The following DOCK1 variants were observed in gnomAD, a reference collection of about 807,000 sequenced individuals.
The protein encoded by DOCK1 is dedicator of cytokinesis 1.
DOCK1 carries 138 observed loss-of-function variants against 262.7 expected under a neutral mutation model. The observed-to-expected ratio is 0.53, with a 90% CI of 0.46 to 0.61. DOCK1 has a LOEUF of 0.61. DOCK1 is among the 20% of genes least tolerant of loss of function. The pLI is 0.00. For missense variants in DOCK1, 1,908 were observed against 2,370.7 expected, an observed-to-expected ratio of 0.80 and a Z score of 4.05; for synonymous variants, 866 against 867.4, an observed-to-expected ratio of 1.00 and a Z score of 0.03.
chr10:127,285,503 G>T (rs947608896), intron 29 of DOCK1, among the ~76,000 whole-genome samples: 2 of 152,210 alleles, frequency 1.3e-5, no homozygotes, highest in Admixed American at 1.3e-4. Flanking sequence ...CTCTCTTCAG[G>T]CTTTGGCAGT....
chr10:127,366,250 TA>T (rs1417345147), intron 33 of DOCK1, among the ~76,000 whole-genome samples: 1 of 151,978 alleles, frequency 6.6e-6, no homozygotes, highest in East Asian at 1.9e-4. Flanking sequence ...ACCCTTGTTT[TA>T]AAAAAATCCC....
intron 1 of DOCK1, among the ~76,000 whole-genome samples, chr10:126,943,936 T>G (rs2035203914): frequency 6.6e-6 from 1 of 152,106 alleles, no homozygotes; most frequent in African/African-American, 2.4e-5. Flanking sequence ...TTGGACTTAA[T>G]GCTCAGAGCA....
chr10:127,097,277 T>G (rs2047966949), intron 23 of DOCK1, among the ~76,000 whole-genome samples: 1 of 152,086 alleles, frequency 6.6e-6, no homozygotes, highest in Non-Finnish European at 1.5e-5. Context: ...CTCCCAAGAG[T>G]TGTGATTGCT....
chr10:127,408,905 T>G, intron 40 of DOCK1, 132 bp from the exon 41 acceptor site: 2 of 1,260,550 alleles, frequency 1.6e-6, no homozygotes, highest in Admixed American at 2.9e-5. Flanking sequence ...AAAATAAAAA[T>G]TACAAGTTGT....
chr10:127,033,617 A>T (rs1302336074), intron 18 of DOCK1, among the ~76,000 whole-genome samples: 2 of 152,194 alleles, frequency 1.3e-5, no homozygotes, highest in Non-Finnish European at 2.9e-5. Context: ...GTCTGTTGCT[A>T]TCATGAGTTG....
chr10:126,981,062 C>G (rs1485246944), intron 3 of DOCK1, among the ~76,000 whole-genome samples: 3 of 151,978 alleles, frequency 2.0e-5, no homozygotes, highest in African/African-American at 7.3e-5. Context: ...ATTCTCCTGC[C>G]TCAGCCTCCT....
At chr10:127,331,962 A>G (rs981214806) in intron 29 of DOCK1, among the ~76,000 whole-genome samples, 6 of 152,250 alleles carry the variant, frequency 3.9e-5, no homozygotes, top group Non-Finnish European at 7.3e-5. Context: ...CCAAATGCCT[A>G]GCAGCAAAGC....
At chr10:127,109,272 C>T (rs780837055) in intron 24 of DOCK1, among the ~76,000 whole-genome samples, 2 of 152,110 alleles carry the variant, frequency 1.3e-5, no homozygotes, top group Non-Finnish European at 1.5e-5. Flanking sequence ...CTGGTGAAAC[C>T]GTATCTGCCC....
intron 46 of DOCK1, among the ~76,000 whole-genome samples, chr10:127,421,526 G>A (rs2068510531): frequency 6.6e-6 from 1 of 152,080 alleles, no homozygotes. Context: ...GAGGCAATAA[G>A]TACATTCACA....
At position 127,000,173 on chromosome 10, in the gene DOCK1, A is replaced by G. The variant is rs761618116; in HGVS notation, c.851A>G (p.Asp284Gly). The change falls in exon 10 of 52, where the codon GAC (aspartate) becomes GGC (glycine). Residue 284 changes from aspartate to glycine, a missense_variant and splice_region_variant. By Grantham distance (94) the Asp-to-Gly change is moderately conservative. Transcript: ENST00000623213. ...RLHNLRAVFT[D>G]LGSKDLKREK... Reference sequence around the variant, plus strand: ...ATTTATGGAAACTAATATTTCTAGGACCTCGGAAGCAAAGACCTGAAAAGG... The same window carrying G: ...ATTTATGGAAACTAATATTTCTAGGGCCTCGGAAGCAAAGACCTGAAAAGG... 1.9e-6 allele frequency: 3 copies of G among 1,613,866 alleles called. No homozygotes were observed. Among genetic ancestry groups the G allele is most frequent in the Middle Eastern group, 1.6e-4 (1 of 6,062 alleles).
chr10:127,369,206 T>C (rs1017217585), intron 33 of DOCK1, among the ~76,000 whole-genome samples: 4 of 152,248 alleles, frequency 2.6e-5, no homozygotes, highest in Non-Finnish European at 5.9e-5. Context: ...CCAATGTATT[T>C]TCCACTGTAA....
chr10:127,419,517 T>C (rs2068368162), intron 45 of DOCK1, 149 bp from the exon 46 acceptor site: 2 of 699,340 alleles, frequency 2.9e-6, no homozygotes, highest in Non-Finnish European at 4.8e-6. Flanking sequence ...TCCTGGGTGC[T>C]GCGAAGGGTG....
In DOCK1 at chr10:127,333,846, A is replaced by G. The variant is rs554440336; in HGVS notation, c.3045-5160A>G. On this transcript the variant is annotated intron_variant, in intron 29 of 51. Transcript: ENST00000623213. ...TTTGTAAGGTGTCAGTGGAGATCAT[A>G]TCAGTGTTCAGATAACTTTGTATCA... Among the ~76,000 whole-genome samples the G allele has an allele frequency of 2.6e-5, 4 of 152,306 alleles. No individual in the cohort carries two copies. The South Asian group carries it at 8.3e-4, about 32-fold the overall frequency.
chr10:127,292,114 C>A (rs182487961), intron 29 of DOCK1, among the ~76,000 whole-genome samples: 49 of 152,344 alleles, frequency 3.2e-4, no homozygotes, highest in African/African-American at 1.1e-3. Flanking sequence ...GACAATATTT[C>A]TAATAGACCA....
At chr10:127,017,546 C>T (rs995768445) in intron 12 of DOCK1, among the ~76,000 whole-genome samples, 16 of 62,956 alleles carry the variant, frequency 2.5e-4, no homozygotes, top group African/African-American at 8.4e-4. Context: ...GACACACAGA[C>T]ACACACACAC....
chr10:127,014,497 G>A lies in DOCK1; in HGVS notation c.1201+2123G>A, dbSNP rs546096744. 6.6e-5 allele frequency among the ~76,000 whole-genome samples: 10 copies of A among 152,274 alleles called. No homozygotes were observed. The South Asian group carries it at 1.5e-3, about 22-fold the overall frequency. Reference sequence around the variant, plus strand: ...TGCGCAGGCCGGCGTTTCTGAGAAAGGTGTTTGAAACACAGGATTTCTAAT... The same window carrying A: ...TGCGCAGGCCGGCGTTTCTGAGAAAAGTGTTTGAAACACAGGATTTCTAAT... On this transcript the variant is annotated intron_variant, in intron 12 of 51. Coordinates refer to ENST00000623213, the MANE Select transcript of DOCK1 (RefSeq NM_001290223.2).
chr10:127,408,172 A>T (rs2067630225), intron 40 of DOCK1, among the ~76,000 whole-genome samples: 1 of 152,180 alleles, frequency 6.6e-6, no homozygotes, highest in Non-Finnish European at 1.5e-5. Context: ...GGAAGGAAGA[A>T]CACTTACCTA....
chr10:127,404,410 G>C lies in DOCK1; in HGVS notation c.4103G>C (p.Gly1368Ala), dbSNP rs1176302935. ...TTTGCTGTTGGCTACTACGGACAAG[G>C]GTTCCCCACATTCCTGCGGGTAAAG... Reference protein sequence around the residue: ...DYFAVGYYGQGFPTFLRGKVF... With the variant: ...DYFAVGYYGQAFPTFLRGKVF... The change falls in exon 40 of 52, where the codon GGG (glycine) becomes GCG (alanine). Residue 1368 changes from glycine (G) to alanine (A), a missense_variant. By Grantham distance (60) the Gly-to-Ala change is moderately conservative. Coordinates refer to ENST00000623213, the MANE Select transcript of DOCK1 (RefSeq NM_001290223.2). 3.7e-6 allele frequency: 6 copies of C among 1,613,546 alleles called. No homozygotes were observed. In the East Asian group the frequency reaches 1.1e-4, roughly 30 times the overall value.
Position 127,175,626 on chromosome 10 carries a change from T to G in DOCK1, c.2847+47862T>G, listed in dbSNP as rs761165368. 6.2e-7 allele frequency: 1 copy of G among 1,613,140 alleles called. No individual in the cohort carries two copies. ...GGCCCTGGCACTGAGGGCAGGTGCG[T>G]AAACGGTGGCAACCTCCGTTTTAAA... On this transcript the variant is annotated intron_variant, in intron 27 of 51. Coordinates refer to ENST00000623213, the MANE Select transcript of DOCK1 (RefSeq NM_001290223.2). The surrounding 1 kb of genome is among the most constrained non-coding windows in gnomAD (Gnocchi z 6.3).
Sources: allele counts gnomAD v4.1 joint callset (sites outside exome capture counted in the v4.1 genomes callset), GRCh38; gene constraint gnomAD v4.1.1; non-coding constraint Gnocchi (gnomAD v3.1); transcripts MANE v1.5; gene names NCBI Gene and HGNC (gene_info 2026-07-23, HGNC 2026-07-21).